NRG3: variants seen among roughly 807,000 people sequenced by gnomAD.
NRG3 encodes the protein neuregulin 3, also known as pro-neuregulin-3, membrane-bound isoform.
A neutral mutation model predicts 66.9 loss-of-function variants in NRG3; 31 were observed. The observed-to-expected ratio is 0.46, with a 90% CI of 0.35 to 0.63. NRG3 has a LOEUF of 0.63. Among genes scored for constraint, NRG3 ranks in the 20% least tolerant of loss-of-function variants. The pLI is 0.00. For synonymous variants in NRG3, 393 were observed against 359.4 expected (o/e 1.09, Z -1.06); for missense variants, 910 against 878.9 (o/e 1.04, Z -0.45).
chr10:82,083,164 T>A (rs2065493649), intron 1 of NRG3, among the ~76,000 whole-genome samples: 1 of 152,116 alleles, frequency 6.6e-6, no homozygotes, highest in African/African-American at 2.4e-5. Context: ...TTTGATGATG[T>A]ACAGTAGCAC....
chr10:82,610,503 G>A (rs2048245791), intron 2 of NRG3, among the ~76,000 whole-genome samples: 1 of 152,092 alleles, frequency 6.6e-6, no homozygotes. Flanking sequence ...AACAATGACT[G>A]GCATCGCTGC....
intron 1 of NRG3, among the ~76,000 whole-genome samples, chr10:82,325,494 A>G (rs2081822485): frequency 6.6e-6 from 1 of 151,842 alleles, no homozygotes; most frequent in African/African-American, 2.4e-5. Context: ...TCTTTTGGGT[A>G]TTGTTTGTGT....
chr10:81,977,705 C>G (rs2347331), intron 1 of NRG3, among the ~76,000 whole-genome samples: 68,626 of 152,016 alleles, frequency 0.45, 19,443 homozygotes, highest in East Asian at 0.77. Context: ...TTTGAAAGTT[C>G]GTTTCTGGTC....
chr10:81,932,734 G>T (rs1390024199), intron 1 of NRG3, among the ~76,000 whole-genome samples: 1 of 152,108 alleles, frequency 6.6e-6, no homozygotes, highest in African/African-American at 2.4e-5. Flanking sequence ...TTTCAGTGTT[G>T]TTTTTTAAGA....
chr10:82,126,445 A>G, intron 1 of NRG3, among the ~76,000 whole-genome samples: 1 of 152,134 alleles, frequency 6.6e-6, no homozygotes, highest in Admixed American at 6.6e-5. Context: ...CATTCTAGAC[A>G]ATCTTTTGGC....
intron 3 of NRG3, among the ~76,000 whole-genome samples, chr10:82,810,904 C>T (rs576900962): frequency 4.6e-5 from 7 of 152,196 alleles, no homozygotes; most frequent in Admixed American, 2.6e-4. Context: ...ATGGGTATGT[C>T]ATACATTTTT....
At chr10:82,363,252 C>A (rs752520247) in intron 2 of NRG3, among the ~76,000 whole-genome samples, 1 of 152,140 alleles carries the variant, frequency 6.6e-6, no homozygotes, top group African/African-American at 2.4e-5. Context: ...TATACTCAGC[C>A]TCACAGAGAA....
chr10:82,661,023 C>T (rs778491159), intron 2 of NRG3, among the ~76,000 whole-genome samples: 8 of 152,198 alleles, frequency 5.3e-5, no homozygotes, highest in Middle Eastern at 6.8e-3. Flanking sequence ...AAATTAAGAA[C>T]CTATTTTTCC....
chr10:82,521,681 T>C (rs1846205446), intron 2 of NRG3, among the ~76,000 whole-genome samples: 1 of 152,160 alleles, frequency 6.6e-6, no homozygotes, highest in African/African-American at 2.4e-5. Context: ...GGTCGCTACA[T>C]TGACTGACTC....
At chr10:82,234,144 C>A (rs1336282450) in intron 1 of NRG3, among the ~76,000 whole-genome samples, 2 of 152,124 alleles carry the variant, frequency 1.3e-5, no homozygotes, top group Non-Finnish European at 2.9e-5. Flanking sequence ...GGTCCAAATG[C>A]CTTCCTAGCA....
chr10:82,097,903 C>A (rs1392364803), intron 1 of NRG3, among the ~76,000 whole-genome samples: 3 of 151,928 alleles, frequency 2.0e-5, no homozygotes, highest in South Asian at 2.1e-4. Context: ...AGTATATATT[C>A]TTTGATAAAG....
At chr10:82,576,129 A>T (rs2046015718) in intron 2 of NRG3, among the ~76,000 whole-genome samples, 1 of 151,726 alleles carries the variant, frequency 6.6e-6, no homozygotes, top group Admixed American at 6.6e-5. Context: ...AGAAACTATG[A>T]ATCAATTTTC....
chr10:82,678,978 T>C (rs2053916009), intron 2 of NRG3, among the ~76,000 whole-genome samples: 2 of 152,234 alleles, frequency 1.3e-5, no homozygotes, highest in Non-Finnish European at 2.9e-5. Flanking sequence ...CAATCTGACA[T>C]TGGAAATGTA....
chr10:82,323,430 A>C (rs2081683323), intron 1 of NRG3, among the ~76,000 whole-genome samples: 1 of 151,576 alleles, frequency 6.6e-6, no homozygotes, highest in African/African-American at 2.4e-5. Flanking sequence ...ATATGTTAAT[A>C]TTGCATGTAA....
At chr10:82,572,400 G>C (rs977405253) in intron 2 of NRG3, among the ~76,000 whole-genome samples, 2 of 151,544 alleles carry the variant, frequency 1.3e-5, no homozygotes, top group African/African-American at 4.8e-5. Flanking sequence ...GAGGTACTTA[G>C]TAAAGTCGAC....
chr10:82,101,217 T>G (rs2066705691), intron 1 of NRG3, among the ~76,000 whole-genome samples: 1 of 151,946 alleles, frequency 6.6e-6, no homozygotes, highest in Admixed American at 6.6e-5. Flanking sequence ...CTCTCTTTGT[T>G]TTGGTCAATC....
intron 1 of NRG3, among the ~76,000 whole-genome samples, chr10:82,176,977 C>G (rs996363446): frequency 2.0e-5 from 3 of 151,518 alleles, no homozygotes; most frequent in African/African-American, 7.3e-5. Context: ...TCCAAGACTC[C>G]AAATTTCAGG....
In NRG3 at chr10:82,206,690, A is replaced by G. The variant is rs201729430; in HGVS notation, c.824-152049A>G. 3.9e-5 allele frequency among the ~76,000 whole-genome samples: 6 copies of G among 152,128 alleles called. No homozygotes were observed. In the East Asian group the frequency reaches 7.7e-4, roughly 20 times the overall value. On this transcript the variant is annotated intron_variant, in intron 1 of 8. Transcript: ENST00000372141. The stretch of plus-strand genomic sequence containing the variant: ...CAGGACTCTTTGAATGTATACCTGT[A>G]TCTTGTAGCTATCTCAGGGACCTTT...
chr10:82,850,566 G>C (rs939400458), intron 3 of NRG3, among the ~76,000 whole-genome samples: 1 of 152,134 alleles, frequency 6.6e-6, no homozygotes, highest in Non-Finnish European at 1.5e-5. Flanking sequence ...AATATCAAAT[G>C]CTGGTAGCAA....
Sources: allele counts gnomAD v4.1 joint callset (sites outside exome capture counted in the v4.1 genomes callset), GRCh38; gene constraint gnomAD v4.1.1; transcripts MANE v1.5; gene names NCBI Gene and HGNC (gene_info 2026-07-23, HGNC 2026-07-21).